Variants in TGFBR2 observed in about 807,000 individuals in gnomAD.
TGFBR2 encodes the protein TGF-beta receptor type-2.
In TGFBR2, 18 loss-of-function variants were observed where a neutral mutation model predicts 49.0. The ratio of observed to expected loss-of-function variants is 0.37; its 90% confidence interval spans 0.25 to 0.54. The LOEUF (loss-of-function observed/expected upper bound fraction) is 0.54. TGFBR2 is among the 20% of genes least tolerant of loss of function. TGFBR2 has a pLI of 0.85. For synonymous variants in TGFBR2, 282 were observed against 275.9 expected, an observed-to-expected ratio of 1.02 and a Z score of -0.22; for missense variants, 525 against 722.6, an observed-to-expected ratio of 0.73 and a Z score of 3.13.
At chr3:30,621,390 C>T (rs994727402) in intron 1 of TGFBR2, among the ~76,000 whole-genome samples, 2 of 146,204 alleles carry the variant, frequency 1.4e-5, no homozygotes, top group African/African-American at 5.1e-5. Flanking sequence ...AAGTTATTCT[C>T]CTGCCTCAGC....
At chr3:30,677,386 C>A (rs1699459475) in intron 5 of TGFBR2, among the ~76,000 whole-genome samples, 1 of 152,176 alleles carries the variant, frequency 6.6e-6, no homozygotes, top group Non-Finnish European at 1.5e-5. Flanking sequence ...CGGAAAGAGG[C>A]CATCCCAGTT....
intron 5 of TGFBR2, among the ~76,000 whole-genome samples, chr3:30,685,973 T>C (rs1411883126): frequency 6.6e-6 from 1 of 152,214 alleles, no homozygotes; most frequent in Non-Finnish European, 1.5e-5. Context: ...TACATATATC[T>C]CAAGGTATGG....
chr3:30,635,171 A>G (rs1698506703), intron 1 of TGFBR2, among the ~76,000 whole-genome samples: 2 of 152,246 alleles, frequency 1.3e-5, no homozygotes, highest in African/African-American at 4.8e-5. Context: ...TGATTGAGAA[A>G]GTTACAATTG....
At position 30,691,748 on chromosome 3, in the gene TGFBR2, A is replaced by T. The variant is rs143024112; in HGVS notation, c.*149A>T. 1.5e-3 allele frequency: 1,278 copies of T among 827,622 alleles called. 3 individuals are homozygous for T. Among genetic ancestry groups the T allele is most frequent in the African/African-American group, 0.012 (700 of 59,168 alleles). 51.3% of individuals were successfully genotyped at this position (827,622 alleles called of 1,614,324 possible). ...GTAAGCTGTGGGGATAAGCAGAAAC[A>T]ACAGCAGCAGGGAGTGGGTGACATA... On this transcript the variant is annotated 3_prime_UTR_variant, in exon 7 of 7. Coordinates refer to ENST00000295754, the MANE Select transcript of TGFBR2 (RefSeq NM_003242.6).
intron 3 of TGFBR2, among the ~76,000 whole-genome samples, chr3:30,669,692 G>A (rs1157622589): frequency 6.6e-6 from 1 of 152,182 alleles, no homozygotes; most frequent in Non-Finnish European, 1.5e-5. Flanking sequence ...AAGGGAAGAT[G>A]GAGCTGCCAT....
chr3:30,653,354 C>A (rs1027406259), intron 3 of TGFBR2, among the ~76,000 whole-genome samples: 5 of 149,464 alleles, frequency 3.3e-5, no homozygotes, highest in Non-Finnish European at 7.4e-5. Flanking sequence ...TGGATTCAAG[C>A]AATTCTCCTG....
At position 30,618,249 on chromosome 3, in the gene TGFBR2, A is replaced by C. The variant is rs374250810; in HGVS notation, c.94+11272A>C. Among the ~76,000 whole-genome samples the C allele has an allele frequency of 5.9e-5, 7 of 118,300 alleles. No homozygotes were observed. The East Asian group carries it at 1.7e-3, about 29-fold the overall frequency. 77.6% of individuals were successfully genotyped at this position (118,300 alleles called of 152,430 possible). A position where few individuals can be genotyped will look rare whatever the true frequency, so the allele number is the denominator to read the frequency against. ...CTTTCTTGTTTTTTTTTTTTTTTTGAGATGGAATCTCGCTCTGTTGCCCAG... is the reference window on the plus strand; with the variant it reads ...CTTTCTTGTTTTTTTTTTTTTTTTGCGATGGAATCTCGCTCTGTTGCCCAG... On this transcript the variant is annotated intron_variant, in intron 1 of 6. Transcript: ENST00000295754.
chr3:30,681,667 T>C (rs1699543696), intron 5 of TGFBR2, among the ~76,000 whole-genome samples: 1 of 152,078 alleles, frequency 6.6e-6, no homozygotes, highest in Admixed American at 6.6e-5. Context: ...AAGAGGTTTT[T>C]TAGAAAAGAT....
intron 1 of TGFBR2, among the ~76,000 whole-genome samples, chr3:30,620,497 T>C (rs1267484674): frequency 6.6e-6 from 1 of 151,950 alleles, no homozygotes; most frequent in Non-Finnish European, 1.5e-5. Context: ...ATGATCTGCT[T>C]TGTGTAAATT....
At chr3:30,607,091 G>A in intron 1 of TGFBR2, 114 bp downstream of exon 1, 1 of 875,674 alleles carries the variant, frequency 1.1e-6, no homozygotes. Flanking sequence ...GCGGAAACGA[G>A]GAAAGTTTCC....
chr3:30,621,330 G>A (rs865979689), intron 1 of TGFBR2, among the ~76,000 whole-genome samples: 1 of 136,658 alleles, frequency 7.3e-6, no homozygotes, highest in South Asian at 2.2e-4. Flanking sequence ...ACCCAGGCTG[G>A]AGTACAATGG....
In TGFBR2 at chr3:30,676,153, C is replaced by T. The variant is rs1014117615; in HGVS notation, c.1396+1907C>T. On this transcript the variant is annotated intron_variant, in intron 5 of 6. Transcript: ENST00000295754. This position sits in a 1 kb window ranked among gnomAD's most constrained non-coding sequence, Gnocchi z 4.3. ...AATGATAGTGTGCCTATCTTCAGTGCGTCATATCAGGGGGAATAAGATGTC... is the reference window on the plus strand; with the variant it reads ...AATGATAGTGTGCCTATCTTCAGTGTGTCATATCAGGGGGAATAAGATGTC... Among the ~76,000 whole-genome samples, 2 of 152,110 alleles carry T rather than the reference C, an allele frequency of 1.3e-5. No homozygotes were observed. The highest frequency in any genetic ancestry group is 2.1e-4 in the South Asian group (1 of 4,822).
chr3:30,663,897 G>T (rs1447029773), intron 3 of TGFBR2, among the ~76,000 whole-genome samples: 4 of 147,390 alleles, frequency 2.7e-5, no homozygotes, highest in African/African-American at 1.0e-4. Context: ...AGTTTTGAGG[G>T]CCATACTGTG....
chr3:30,644,469 T>G (rs112061984), intron 1 of TGFBR2, among the ~76,000 whole-genome samples: 4 of 152,318 alleles, frequency 2.6e-5, no homozygotes, highest in African/African-American at 9.6e-5. Context: ...AATGATAAGA[T>G]TTTTGTAGAA....
At chr3:30,652,943 T>A (rs1437571189) in intron 3 of TGFBR2, among the ~76,000 whole-genome samples, 2 of 152,242 alleles carry the variant, frequency 1.3e-5, no homozygotes, top group South Asian at 2.1e-4. Context: ...GTGATCATCA[T>A]GGGCATCCCT....
rs565089066 is a variant in TGFBR2 at position 30,638,335 on chromosome 3, T to G, written c.95-6412T>G. 2.6e-5 allele frequency among the ~76,000 whole-genome samples: 4 copies of G among 152,232 alleles called. No homozygotes were observed. In the South Asian group the frequency reaches 8.3e-4, roughly 32 times the overall value. On this transcript the variant is annotated intron_variant, in intron 1 of 6. Coordinates refer to ENST00000295754, the MANE Select transcript of TGFBR2 (RefSeq NM_003242.6). ...TATTCACTTTGTCATCTCTGAAAGG[T>G]TTTAAAGTATTATTACTACAAAAAT...
rs547454613 is a variant in TGFBR2, at chr3:30,624,722, G to T, written c.94+17745G>T. Among the ~76,000 whole-genome samples, 490 of 152,140 alleles carry T rather than the reference G, an allele frequency of 3.2e-3. 5 individuals are homozygous for T. The highest frequency in any genetic ancestry group is 0.011 in the African/African-American group (475 of 41,528). On this transcript the variant is annotated intron_variant, in intron 1 of 6. Coordinates refer to ENST00000295754, the MANE Select transcript of TGFBR2 (RefSeq NM_003242.6). ...TTTCTACTACTAGCTTTATATAAAT[G>T]TTATTTTTCTTGCAACATAAAAGAA... is the stretch of plus-strand genomic sequence containing the variant.
chr3:30,687,202 A>T (rs1204347641), intron 5 of TGFBR2, among the ~76,000 whole-genome samples: 1 of 152,192 alleles, frequency 6.6e-6, no homozygotes, highest in Admixed American at 6.5e-5. Context: ...GGCCCCGGTG[A>T]AGGGTTACCT....
chr3:30,621,855 G>T (rs1698237382), intron 1 of TGFBR2, among the ~76,000 whole-genome samples: 1 of 152,150 alleles, frequency 6.6e-6, no homozygotes, highest in African/African-American at 2.4e-5. Context: ...TCAGGGGACA[G>T]GAGAGAATAT....
Sources: gnomAD v4.1 joint callset for allele counts (sites outside exome capture counted in the v4.1 genomes callset) on GRCh38, gnomAD v4.1.1 for gene constraint, Gnocchi (gnomAD v3.1) non-coding constraint, MANE v1.5 for transcripts, NCBI Gene and HGNC (gene_info 2026-07-23, HGNC 2026-07-21) for gene names.